The following TPRG1 variants were observed in gnomAD, a reference collection of about 807,000 sequenced individuals.
TPRG1 encodes tumor protein p63-regulated gene 1 protein.
TPRG1 carries 29 observed loss-of-function variants against 29.3 expected under a neutral mutation model. That is an observed-to-expected ratio of 0.99 (90% CI 0.74 to 1.35). The LOEUF is 1.35. TPRG1 is among the 40% of genes most tolerant of loss of function. The probability of loss-of-function intolerance (pLI) is 0.00; values close to 1 mark genes in which losing one functional copy is unlikely to be tolerated. For missense variants in TPRG1, 327 were observed against 335.0 expected (o/e 0.98, Z 0.19); for synonymous variants, 130 against 116.8 (o/e 1.11, Z -0.73).
intron 3 of TPRG1, among the ~76,000 whole-genome samples, chr3:189,134,420 T>A (rs899010747): frequency 7.5e-5 from 11 of 146,884 alleles, no homozygotes; most frequent in East Asian, 3.9e-4. Flanking sequence ...TTTTTTTTTT[T>A]TTTTTTTTTT....
intron 4 of TPRG1, among the ~76,000 whole-genome samples, chr3:189,298,270 C>G (rs1173248799): frequency 6.6e-6 from 1 of 152,008 alleles, no homozygotes; most frequent in Non-Finnish European, 1.5e-5. Flanking sequence ...GTGATGGGAG[C>G]CAAAAAAGCT....
At chr3:189,299,733 CA>C (rs1720543527) in intron 4 of TPRG1, among the ~76,000 whole-genome samples, 2 of 151,652 alleles carry the variant, frequency 1.3e-5, no homozygotes, top group Non-Finnish European at 2.9e-5. Context: ...ATGATTTAGA[CA>C]TCGACCCTAT....
intron 4 of TPRG1, among the ~76,000 whole-genome samples, chr3:189,299,249 G>A (rs1476081267): frequency 6.6e-6 from 1 of 152,044 alleles, no homozygotes; most frequent in Non-Finnish European, 1.5e-5. Context: ...TTCCTTTATT[G>A]TGTAGCATTT....
chr3:189,233,192 G>GTGTGTT (rs773733486), intron 3 of TPRG1, among the ~76,000 whole-genome samples: 2 of 143,362 alleles, frequency 1.4e-5, no homozygotes, highest in Admixed American at 7.1e-5. Flanking sequence ...GTGTGTGTGT[G>GTGTGTT]TGTGTTTGTG....
intron 4 of TPRG1, among the ~76,000 whole-genome samples, chr3:189,093,384 TAC>T (rs1370808844): frequency 3.3e-5 from 5 of 152,192 alleles, no homozygotes; most frequent in Admixed American, 2.6e-4. Context: ...GTGGTGACCT[TAC>T]AGATTTGACC....
At chr3:189,265,051 T>C (rs1358783864) in intron 4 of TPRG1, among the ~76,000 whole-genome samples, 1 of 152,208 alleles carries the variant, frequency 6.6e-6, no homozygotes, top group Admixed American at 6.5e-5. Context: ...TATTCAAAAA[T>C]TTGAAATGTA....
chr3:189,026,979 T>G (rs1371121008), intron 4 of TPRG1, among the ~76,000 whole-genome samples: 1 of 152,216 alleles, frequency 6.6e-6, no homozygotes, highest in East Asian at 1.9e-4. Context: ...GTCTTTATTT[T>G]TCTGAGCTTT....
chr3:189,180,335 TAACTC>T (rs776503719), intron 1 of TPRG1, among the ~76,000 whole-genome samples: 1 of 152,110 alleles, frequency 6.6e-6, no homozygotes. Context: ...ATTCCAGTAT[TAACTC>T]AAAAGTCCAC....
intron 1 of TPRG1, among the ~76,000 whole-genome samples, chr3:189,192,250 A>G (rs1241039661): frequency 6.6e-6 from 1 of 152,230 alleles, no homozygotes; most frequent in Non-Finnish European, 1.5e-5. Context: ...TAGTTTCATA[A>G]TACCTGAAGA....
intron 4 of TPRG1, among the ~76,000 whole-genome samples, chr3:189,082,969 G>T (rs1175038098): frequency 6.6e-6 from 1 of 152,156 alleles, no homozygotes; most frequent in African/African-American, 2.4e-5. Flanking sequence ...AATGGTATTT[G>T]GGTGGGGTCA....
chr3:189,047,746 G>A (rs1715067054), intron 4 of TPRG1, among the ~76,000 whole-genome samples: 1 of 152,076 alleles, frequency 6.6e-6, no homozygotes, highest in Non-Finnish European at 1.5e-5. Context: ...ATTTTACCAG[G>A]AGTAGATTCC....
chr3:189,281,606 A>C (rs943463882), intron 4 of TPRG1, among the ~76,000 whole-genome samples: 6 of 152,082 alleles, frequency 3.9e-5, no homozygotes, highest in Non-Finnish European at 1.5e-5. Flanking sequence ...TAATTATATG[A>C]CATGTAATTT....
intron 4 of TPRG1, among the ~76,000 whole-genome samples, chr3:189,288,393 A>G (rs1206982157): frequency 6.6e-6 from 1 of 152,234 alleles, no homozygotes; most frequent in Non-Finnish European, 1.5e-5. Context: ...AGAGGAATGA[A>G]TATTATAGCA....
chr3:189,242,253 T>C (rs1173430108), intron 4 of TPRG1, among the ~76,000 whole-genome samples: 1 of 152,166 alleles, frequency 6.6e-6, no homozygotes, highest in Non-Finnish European at 1.5e-5. Context: ...ACCTGGATTT[T>C]CTATTCCATT....
upstream of TPRG1, among the ~76,000 whole-genome samples, chr3:189,168,864 A>T (rs1282881930): frequency 2.0e-5 from 3 of 152,176 alleles, no homozygotes; most frequent in African/African-American, 7.2e-5. Flanking sequence ...TGCATGATCC[A>T]CTATGAGGGA....
At chr3:189,087,031 A>ATGGC (rs1436444836) in intron 4 of TPRG1, among the ~76,000 whole-genome samples, 1 of 152,180 alleles carries the variant, frequency 6.6e-6, no homozygotes, top group Admixed American at 6.5e-5. Context: ...CAGTAATGGG[A>ATGGC]TGGCTGGGTC....
intron 4 of TPRG1, among the ~76,000 whole-genome samples, chr3:189,035,491 A>G (rs1334161953): frequency 6.6e-6 from 1 of 152,204 alleles, no homozygotes; most frequent in African/African-American, 2.4e-5. Flanking sequence ...CTGTCAATAA[A>G]CAGGCATCAT....
In TPRG1 at chr3:189,238,864, G is replaced by A. The variant is rs770642820; in HGVS notation, c.434G>A (p.Arg145His). Residue 145 changes from arginine to histidine, a missense_variant, in exon 4 of 6, where the codon CGC becomes CAC. Physicochemically the swap from Arg to His is conservative, Grantham distance 29. Transcript: ENST00000345063. ...LQRIPLSAVY[R>H]ICLGKFTFPG... is the part of the protein sequence containing the mutation. Reference sequence around the variant, plus strand: ...CGGATTCCTCTGAGCGCTGTCTATCGCATCTGCCTGGGCAAGTTCACCTTC... The same window carrying A: ...CGGATTCCTCTGAGCGCTGTCTATCACATCTGCCTGGGCAAGTTCACCTTC... 20 of 1,613,328 alleles carry A rather than the reference G, an allele frequency of 1.2e-5. No homozygotes were observed. The highest frequency in any genetic ancestry group is 2.2e-5 in the South Asian group (2 of 91,034).
chr3:189,186,955 G>A (rs565240163), intron 1 of TPRG1, among the ~76,000 whole-genome samples: 1 of 149,830 alleles, frequency 6.7e-6, no homozygotes, highest in East Asian at 2.0e-4. Flanking sequence ...ATATTTTCTA[G>A]GCCTTTAGAT....
Sources: gnomAD v4.1 joint callset for allele counts (sites outside exome capture counted in the v4.1 genomes callset) on GRCh38, gnomAD v4.1.1 for gene constraint, MANE v1.5 for transcripts, NCBI Gene and HGNC (gene_info 2026-07-23, HGNC 2026-07-21) for gene names.